Variants in AKAP8L observed in about 807,000 individuals in gnomAD.
AKAP8L encodes A-kinase anchoring protein 8 like.
A neutral mutation model predicts 77.5 loss-of-function variants in AKAP8L; 34 were observed. The ratio of observed to expected loss-of-function variants is 0.44; its 90% CI spans 0.33 to 0.58. The LOEUF (loss-of-function observed/expected upper bound fraction) is 0.58, where lower values mean the gene tolerates loss of function less well. Ranked by LOEUF, AKAP8L falls within the 20% of genes least tolerant of loss-of-function variation. The probability of loss-of-function intolerance (pLI) is 0.02; values close to 1 mark genes in which losing one functional copy is unlikely to be tolerated. For synonymous variants in AKAP8L, 342 were observed against 340.7 expected (o/e 1.00, Z -0.04); for missense variants, 806 against 887.6 (o/e 0.91, Z 1.17).
intron 1 of AKAP8L, 80 bp downstream of exon 1, chr19:15,418,831 T>C: frequency 1.4e-6 from 2 of 1,453,348 alleles, no homozygotes; most frequent in Admixed American, 1.8e-5. Context: ...CCAGGGGAGG[T>C]GCGGGCAAGC....
At chr19:15,388,385 T>C (rs2145112043) in intron 12 of AKAP8L, among the ~76,000 whole-genome samples, 1 of 152,038 alleles carries the variant, frequency 6.6e-6, no homozygotes, top group South Asian at 2.1e-4. Context: ...AAGCAGACAA[T>C]AGAAACTTCC....
intron 2 of AKAP8L, chr19:15,404,327 T>C (rs1026239183): frequency 7.2e-6 from 3 of 419,448 alleles, no homozygotes; most frequent in Non-Finnish European, 1.3e-5. Flanking sequence ...AGAGCCAGAA[T>C]TAGAAGGTGA....
intron 2 of AKAP8L, among the ~76,000 whole-genome samples, chr19:15,409,897 C>A (rs1307224451): frequency 6.6e-6 from 1 of 152,150 alleles, no homozygotes; most frequent in African/African-American, 2.4e-5. Context: ...AGGACATGCA[C>A]TATGCTGGGA....
chr19:15,380,468 C>T (rs756665695), intron 13 of AKAP8L, 38 bp from the exon 14 acceptor site: 21 of 1,612,464 alleles, frequency 1.3e-5, no homozygotes, highest in African/African-American at 2.7e-5. Flanking sequence ...GGAGGGAGCA[C>T]AGGCGGGGAC....
At chr19:15,406,362 G>GAGAGAGAGA (rs1967996710) in intron 2 of AKAP8L, among the ~76,000 whole-genome samples, 1 of 89,380 alleles carries the variant, frequency 1.1e-5, no homozygotes, top group Non-Finnish European at 2.1e-5. Flanking sequence ...GAAATTTTAA[G>GAGAGAGAGA]GAGAGAGAGA....
At chr19:15,396,344 C>T (rs1247464826) in intron 12 of AKAP8L, among the ~76,000 whole-genome samples, 3 of 152,094 alleles carry the variant, frequency 2.0e-5, no homozygotes, top group Admixed American at 2.0e-4. Context: ...CATACACAGC[C>T]CCTTCACCCC....
intron 12 of AKAP8L, among the ~76,000 whole-genome samples, chr19:15,396,152 T>C (rs1446015251): frequency 6.6e-6 from 1 of 151,898 alleles, no homozygotes; most frequent in Non-Finnish European, 1.5e-5. Flanking sequence ...TTCAGAATCA[T>C]CACACCGAAA....
chr19:15,388,569 A>G (rs138804246), intron 12 of AKAP8L, among the ~76,000 whole-genome samples: 1 of 152,332 alleles, frequency 6.6e-6, no homozygotes, highest in East Asian at 1.9e-4. Flanking sequence ...GAAAAGTACA[A>G]TAACGGACAC....
Position 15,401,773 on chromosome 19 carries a change from G to A in AKAP8L, c.363-170C>T, listed in dbSNP as rs1967906645. Among the ~76,000 whole-genome samples the A allele has an allele frequency of 6.6e-6, 1 of 152,180 alleles. No individual in the cohort carries two copies. The highest frequency in any genetic ancestry group is 2.4e-5 in the African/African-American group (1 of 41,428). On this transcript the variant is annotated intron_variant, in intron 4 of 13. Transcript: ENST00000397410. The surrounding 1 kb of genome is among the most constrained non-coding windows in gnomAD (Gnocchi z 6.2). ...AGTTCCAGCCTCTCAGCTGATATAGGGGCACCACTGCCCCAAACTTGAATG... is the reference window on the plus strand; with the variant it reads ...AGTTCCAGCCTCTCAGCTGATATAGAGGCACCACTGCCCCAAACTTGAATG...
intron 12 of AKAP8L, among the ~76,000 whole-genome samples, chr19:15,386,551 G>C (rs147568920): frequency 6.6e-6 from 1 of 152,276 alleles, no homozygotes; most frequent in African/African-American, 2.4e-5. Context: ...AGCTTAGTGT[G>C]ATGGAAACTC....
In AKAP8L at chr19:15,397,824, G is replaced by A. The variant is rs372111449; in HGVS notation, c.1189C>T (p.Arg397Trp). 9.3e-6 allele frequency: 15 copies of A among 1,613,790 alleles called. No homozygotes were observed. The highest frequency in any genetic ancestry group is 2.2e-5 in the East Asian group (1 of 44,892). The change falls in exon 10 of 14, where the codon CGG becomes TGG. Residue 397 changes from arginine to tryptophan, a missense_variant. Physicochemically the swap from Arg to Trp is moderately radical, Grantham distance 101. Coordinates refer to ENST00000397410, the MANE Select transcript of AKAP8L (RefSeq NM_014371.4). This position sits in a 1 kb window ranked among gnomAD's most constrained non-coding sequence, Gnocchi z 4.7. The part of the protein sequence containing the change: ...IQFVCSLCKY[R>W]TFYEDEMASH... ...GCCATCTCGTCCTCATAGAAGGTCC[G>A]GTATTTGCACAGAGAACACACAAAC...
chr19:15,384,211 G>C (rs1028741934), intron 12 of AKAP8L, among the ~76,000 whole-genome samples: 3 of 150,772 alleles, frequency 2.0e-5, no homozygotes, highest in South Asian at 2.1e-4. Flanking sequence ...GATTATAGGC[G>C]TGAGCCACCG....
At chr19:15,389,304 A>G (rs988724332) in intron 12 of AKAP8L, among the ~76,000 whole-genome samples, 21 of 152,024 alleles carry the variant, frequency 1.4e-4, no homozygotes, top group African/African-American at 4.6e-4. Flanking sequence ...GAACAGAGGG[A>G]AAAAAATGAG....
chr19:15,400,141 C>A, intron 8 of AKAP8L, 154 bp downstream of exon 8: 2 of 729,086 alleles, frequency 2.7e-6, no homozygotes, highest in Non-Finnish European at 4.6e-6. Flanking sequence ...GTGGAGGCGG[C>A]GAAAAGAAAG....
At chr19:15,388,489 A>T (rs1193347799) in intron 12 of AKAP8L, among the ~76,000 whole-genome samples, 1 of 152,194 alleles carries the variant, frequency 6.6e-6, no homozygotes, top group Non-Finnish European at 1.5e-5. Context: ...AGGTATAATG[A>T]CACTGTCTCA....
In AKAP8L at chr19:15,399,608, G is replaced by T; in HGVS notation, c.1049-198C>A. The T allele has an allele frequency of 1.7e-6, 1 of 593,400 alleles. No homozygotes were observed. The highest frequency in any genetic ancestry group is 1.9e-5 in the South Asian group (1 of 51,412). The allele number at this position is 593,400 out of a possible 1,614,324, so 36.8% of individuals were successfully genotyped here. A position where few individuals can be genotyped will look rare whatever the true frequency, so the allele number is the denominator to read the frequency against. ...GGGTTTGGCCTAGGCCCCAAGGAGT[G>T]GGGGCCAGGCGATGACCCCTCCACT... On this transcript the variant is annotated intron_variant, in intron 8 of 13. Coordinates refer to ENST00000397410, the MANE Select transcript of AKAP8L (RefSeq NM_014371.4). The surrounding 1 kb of genome is among the most constrained non-coding windows in gnomAD (Gnocchi z 6.1).
At chr19:15,400,160 C>T in intron 8 of AKAP8L, 135 bp downstream of exon 8, 2 of 860,834 alleles carry the variant, frequency 2.3e-6, no homozygotes, top group Non-Finnish European at 3.8e-6. Flanking sequence ...AGCCCCCTGC[C>T]AGCACACACT....
At chr19:15,413,517 T>C (rs898964478) in intron 1 of AKAP8L, among the ~76,000 whole-genome samples, 1 of 152,116 alleles carries the variant, frequency 6.6e-6, no homozygotes, top group Admixed American at 6.5e-5. Context: ...CTTCCCTAAG[T>C]AAAGAGGCTA....
intron 12 of AKAP8L, among the ~76,000 whole-genome samples, chr19:15,388,586 T>C (rs1168103723): frequency 6.6e-6 from 1 of 152,078 alleles, no homozygotes; most frequent in Non-Finnish European, 1.5e-5. Context: ...ACACCAAAAA[T>C]CCATTTGAAG....
Sources: allele counts gnomAD v4.1 joint callset (sites outside exome capture counted in the v4.1 genomes callset), GRCh38; gene constraint gnomAD v4.1.1; non-coding constraint Gnocchi (gnomAD v3.1); transcripts MANE v1.5; gene names NCBI Gene and HGNC (gene_info 2026-07-23, HGNC 2026-07-21).